The following RC3H2 variants were observed in gnomAD, a reference collection of about 807,000 sequenced individuals.
RC3H2 encodes roquin-2.
RC3H2 carries 31 observed loss-of-function variants against 133.3 expected under a neutral mutation model. The observed-to-expected ratio is 0.23, with a 90% CI of 0.17 to 0.31. The LOEUF (loss-of-function observed/expected upper bound fraction) is 0.31, where lower values mean the gene tolerates loss of function less well. Among genes scored for constraint, RC3H2 ranks in the 10% least tolerant of loss-of-function variants. The pLI, the probability that RC3H2 is intolerant of heterozygous loss-of-function variation, is 1.00. For synonymous variants in RC3H2, 517 were observed against 502.2 expected (o/e 1.03, Z -0.40); for missense variants, 1,175 against 1,437.2 (o/e 0.82, Z 2.95).
chr9:122,851,646 G>A (rs1188574881), intron 18 of RC3H2: 8 of 568,240 alleles, frequency 1.4e-5, no homozygotes, highest in South Asian at 4.7e-5. Context: ...GCAGGCGCGC[G>A]CCGCCACGCC....
At chr9:122,869,378 C>G (rs1378751044) in intron 9 of RC3H2, among the ~76,000 whole-genome samples, 3 of 152,144 alleles carry the variant, frequency 2.0e-5, no homozygotes, top group Non-Finnish European at 4.4e-5. Flanking sequence ...AATAGTTTCC[C>G]TTTTAGTCCT....
chr9:122,884,938 G>A (rs1226758205), intron 4 of RC3H2, among the ~76,000 whole-genome samples: 1 of 151,846 alleles, frequency 6.6e-6, no homozygotes, highest in Non-Finnish European at 1.5e-5. Flanking sequence ...AAGAAAAGCT[G>A]AGGAACAGTT....
intron 16 of RC3H2, 27 bp downstream of exon 16, chr9:122,854,504 A>C: frequency 6.5e-7 from 1 of 1,544,948 alleles, no homozygotes; most frequent in African/African-American, 1.4e-5. Flanking sequence ...AGAATGGAGA[A>C]TCATATAGAA....
chr9:122,866,981 T>C (rs1411612978), intron 9 of RC3H2, among the ~76,000 whole-genome samples: 29 of 122,142 alleles, frequency 2.4e-4, no homozygotes, highest in East Asian at 2.5e-4. Flanking sequence ...CGGCCACCCA[T>C]TGTCTGAGAT....
At chr9:122,886,367 T>G (rs1831914620) in intron 4 of RC3H2, among the ~76,000 whole-genome samples, 1 of 152,264 alleles carries the variant, frequency 6.6e-6, no homozygotes, top group Non-Finnish European at 1.5e-5. Flanking sequence ...AATAAACATT[T>G]GTATACAAGT....
chr9:122,884,545 C>T (rs1208489010), intron 4 of RC3H2, among the ~76,000 whole-genome samples: 1 of 152,020 alleles, frequency 6.6e-6, no homozygotes, highest in Non-Finnish European at 1.5e-5. Flanking sequence ...GAACATCAGA[C>T]AAACCTAAAT....
chr9:122,891,255 C>A (rs375141134), intron 3 of RC3H2, among the ~76,000 whole-genome samples: 2 of 151,988 alleles, frequency 1.3e-5, no homozygotes, highest in Non-Finnish European at 2.9e-5. Context: ...ATTCCTGACC[C>A]CAAATGATCT....
intron 8 of RC3H2, among the ~76,000 whole-genome samples, chr9:122,878,173 A>C (rs1170808655): frequency 1.3e-5 from 2 of 152,234 alleles, no homozygotes; most frequent in Admixed American, 1.3e-4. Context: ...TTTGTTTTTA[A>C]TATTTTAAGT....
chr9:122,858,924 A>T lies in RC3H2; in HGVS notation c.2028T>A (p.Pro676=), dbSNP rs1344895841. 5 of 1,614,218 alleles carry T rather than the reference A, an allele frequency of 3.1e-6. No individual in the cohort carries two copies. The East Asian group carries it at 1.1e-4, about 36-fold the overall frequency. ...GAGGAACTGGTCCATACGGCTGCGG[A>T]GGAGGAGGCTGGTAAGGAGAAGAAT... ...RMNSSPYQPP[P]PQPYGPVPPV... Residue 676 remains proline, a synonymous_variant, in exon 12 of 21, where the codon CCT becomes CCA. Coordinates refer to ENST00000357244, the MANE Select transcript of RC3H2 (RefSeq NM_001100588.3).
rs1178349263 is a variant in RC3H2, at chr9:122,901,706, C to T, written c.-68+3404G>A. The stretch of plus-strand genomic sequence containing the variant: ...TCCCGGTTTCATACGATTCTCCTGC[C>T]TCAGCCTCCTGAGTAGCTGGGATTA... On this transcript the variant is annotated intron_variant, in intron 1 of 20. Coordinates refer to ENST00000357244, the MANE Select transcript of RC3H2 (RefSeq NM_001100588.3). Among the ~76,000 whole-genome samples the T allele has an allele frequency of 2.0e-5, 3 of 151,036 alleles. No homozygotes were observed. In the East Asian group the frequency reaches 5.8e-4, roughly 29 times the overall value.
chr9:122,902,583 G>A (rs1018829854), intron 1 of RC3H2, among the ~76,000 whole-genome samples: 1 of 152,128 alleles, frequency 6.6e-6, no homozygotes, highest in Admixed American at 6.5e-5. Context: ...GGTGGCTCAC[G>A]CCTGTAATCC....
chr9:122,902,237 C>G (rs1832685033), intron 1 of RC3H2, among the ~76,000 whole-genome samples: 1 of 152,068 alleles, frequency 6.6e-6, no homozygotes, highest in South Asian at 2.1e-4. Context: ...AGCCAACTTT[C>G]TATTTTAACA....
chr9:122,887,741 CTTTT>C (rs112010654), intron 4 of RC3H2, among the ~76,000 whole-genome samples: 7 of 118,052 alleles, frequency 5.9e-5, no homozygotes, highest in African/African-American at 9.5e-5. Context: ...ATACTTGTAT[CTTTT>C]TTTTTTTTTT....
At chr9:122,867,781 C>T (rs1302316142) in intron 9 of RC3H2, among the ~76,000 whole-genome samples, 2 of 103,360 alleles carry the variant, frequency 1.9e-5, no homozygotes, top group Admixed American at 8.7e-5. Context: ...GGAGACCCTC[C>T]GCCCGGCAAC....
At chr9:122,882,623 C>T (rs1480616655) in intron 5 of RC3H2, among the ~76,000 whole-genome samples, 12 of 152,214 alleles carry the variant, frequency 7.9e-5, no homozygotes, top group Non-Finnish European at 1.8e-4. Context: ...GTATCTGTCA[C>T]TACCCGCTAG....
intron 14 of RC3H2, 85 bp from the exon 15 acceptor site, chr9:122,855,482 A>C: frequency 7.6e-7 from 1 of 1,322,102 alleles, no homozygotes; most frequent in Admixed American, 1.8e-5. Flanking sequence ...ACATGTAATT[A>C]GGTTTTTTGG....
At chr9:122,901,907 G>T (rs1832665942) in intron 1 of RC3H2, among the ~76,000 whole-genome samples, 2 of 149,792 alleles carry the variant, frequency 1.3e-5, no homozygotes. Flanking sequence ...TTCTAATAGG[G>T]CAATAATGAG....
rs1395061622 is a variant in RC3H2 at position 122,867,323 on chromosome 9, G to A, written c.1326-1666C>T. On this transcript the variant is annotated intron_variant, in intron 9 of 20. Transcript: ENST00000357244. ...GCCCGGCCAGCCGCCCCGTCCGGGA[G>A]GTGAGGGGCGCCTCTGCCCAGCCAC... Among the ~76,000 whole-genome samples the A allele has an allele frequency of 7.9e-5, 9 of 113,976 alleles. No homozygotes were observed. In the East Asian group the frequency reaches 1.6e-3, roughly 20 times the overall value. 74.8% of individuals were successfully genotyped at this position (113,976 alleles called of 152,430 possible).
intron 15 of RC3H2, 79 bp from the exon 16 acceptor site, chr9:122,854,694 A>G: frequency 1.1e-6 from 1 of 925,040 alleles, no homozygotes; most frequent in Non-Finnish European, 1.8e-6. Context: ...TTCTCAAAAT[A>G]GATCTGTATT....
Sources: allele counts gnomAD v4.1 joint callset (sites outside exome capture counted in the v4.1 genomes callset), GRCh38; gene constraint gnomAD v4.1.1; transcripts MANE v1.5; gene names NCBI Gene and HGNC (gene_info 2026-07-23, HGNC 2026-07-21).